Variants in AP1G2 observed in about 807,000 individuals in gnomAD.
AP1G2 encodes the protein adaptor related protein complex 1 subunit gamma 2, also known as AP-1 complex subunit gamma-like 2.
Under a neutral mutation model 95.8 loss-of-function variants are expected in AP1G2, and 85 were observed. The ratio of observed to expected loss-of-function variants is 0.89; its 90% CI spans 0.74 to 1.06. The LOEUF is 1.06. AP1G2 is among the 50% of genes least tolerant of loss of function. The pLI, the probability that AP1G2 is intolerant of heterozygous loss-of-function variation, is 0.00. For synonymous variants in AP1G2, 378 were observed against 400.0 expected, an observed-to-expected ratio of 0.94 and a Z score of 0.66; for missense variants, 967 against 1,005.8, an observed-to-expected ratio of 0.96 and a Z score of 0.52.
chr14:23,564,553 G>C lies in AP1G2; in HGVS notation c.921+9C>G, dbSNP rs1299973682. 1 of 1,612,898 alleles carries C rather than the reference G, an allele frequency of 6.2e-7. No homozygotes were observed. The highest frequency in any genetic ancestry group is 1.1e-5 in the South Asian group (1 of 91,022). On this transcript the variant is annotated intron_variant, in intron 9 of 21. Coordinates refer to ENST00000397120, the MANE Select transcript of AP1G2 (RefSeq NM_003917.5). ...GGGGCCGTAGTGGGAGAGGCATAAG[G>C]GGTGATACCCGTAGGCCAGCTGCAG... is the stretch of plus-strand genomic sequence containing the variant.
intron 5 of AP1G2, 50 bp downstream of exon 5, chr14:23,566,014 T>C: frequency 6.2e-7 from 1 of 1,613,900 alleles, no homozygotes; most frequent in Non-Finnish European, 8.5e-7. Context: ...GATTTTCAAT[T>C]CTTCTGTCCA....
chr14:23,564,140 G>A lies in AP1G2; in HGVS notation c.997C>T (p.Leu333=). 6.2e-7 allele frequency: 1 copy of A among 1,614,140 alleles called. No individual in the cohort carries two copies. The highest frequency in any genetic ancestry group is 1.1e-5 in the South Asian group (1 of 91,064). The change falls in exon 11 of 22, where the codon CTG becomes TTG. Residue 333 remains leucine, a synonymous_variant. Transcript: ENST00000397120. ...TGATCAGACTGCACCAGTCGAAGCA[G>A]TGATGTCAGGGCTACATACCTGGTC... is the stretch of plus-strand genomic sequence containing the variant. ...RNIRYVALTS[L]LRLVQSDHSA...
intron 16 of AP1G2, 96 bp from the exon 17 acceptor site, chr14:23,562,162 G>A: frequency 6.3e-7 from 1 of 1,590,802 alleles, no homozygotes; most frequent in Non-Finnish European, 8.6e-7. Flanking sequence ...ACCCAGATTT[G>A]GCTCAAAAAC....
chr14:23,561,750 C>G (rs1335426929), intron 17 of AP1G2, 115 bp from the exon 18 acceptor site: 1 of 1,492,312 alleles, frequency 6.7e-7, no homozygotes, highest in African/African-American at 1.4e-5. Flanking sequence ...TCAGAAGTAC[C>G]CTTCTGATTT....
chr14:23,562,766 G>GA, intron 14 of AP1G2, 173 bp from the exon 15 acceptor site: 1 of 636,458 alleles, frequency 1.6e-6, no homozygotes, highest in Non-Finnish European at 2.6e-6. Context: ...AAGAGAGAGA[G>GA]AGAAAGAAAG....
In AP1G2 at chr14:23,567,689, G is replaced by GCAGCGGCAGCGGCAGCGGCAGCGA. The variant is rs1555362108; in HGVS notation, c.-6+49_-6+50insTCGCTGCCGCTGCCGCTGCCGCTG. On this transcript the variant is annotated intron_variant, in intron 1 of 21. Coordinates refer to ENST00000397120, the MANE Select transcript of AP1G2 (RefSeq NM_003917.5). This position sits in a 1 kb window ranked among gnomAD's most constrained non-coding sequence, Gnocchi z 5.3. ...CTTCCTCCCCCGATTTCCATCTCAG[G>GCAGCGGCAGCGGCAGCGGCAGCGA]CAGCGGCAGCGGCAGCGACAGCCTG... 14 of 1,031,596 alleles carry GCAGCGGCAGCGGCAGCGGCAGCGA rather than the reference G, an allele frequency of 1.4e-5. No homozygotes were observed. Among genetic ancestry groups the GCAGCGGCAGCGGCAGCGGCAGCGA allele is most frequent in the Non-Finnish European group, 1.5e-5 (13 of 859,224 alleles). 63.9% of individuals were successfully genotyped at this position (1,031,596 alleles called of 1,614,324 possible). A position where few individuals can be genotyped will look rare whatever the true frequency, so the allele number is the denominator to read the frequency against.
Position 23,567,370 on chromosome 14 carries a change from CT to C in AP1G2, c.-5-52del. On this transcript the variant is annotated intron_variant, in intron 1 of 21. Coordinates refer to ENST00000397120, the MANE Select transcript of AP1G2 (RefSeq NM_003917.5). The surrounding 1 kb of genome is among the most constrained non-coding windows in gnomAD (Gnocchi z 5.3). ...CACTCTCTGGTCGGGCGTGCCTGGGCTTTCGGCCCAGGCCCGTCCTGTGTCA... is the reference window on the plus strand; with the variant it reads ...CACTCTCTGGTCGGGCGTGCCTGGGCTTCGGCCCAGGCCCGTCCTGTGTCA... 4.5e-6 allele frequency: 7 copies of C among 1,548,170 alleles called. No individual in the cohort carries two copies. The highest frequency in any genetic ancestry group is 6.1e-6 in the Non-Finnish European group (7 of 1,150,880).
chr14:23,565,896 G>A lies in AP1G2; in HGVS notation c.569-4C>T. 3 of 1,592,726 alleles carry A rather than the reference G, an allele frequency of 1.9e-6. No homozygotes were observed. Among genetic ancestry groups the A allele is most frequent in the African/African-American group, 1.3e-5 (1 of 74,872 alleles). On this transcript the variant is annotated splice_polypyrimidine_tract_variant and splice_region_variant and intron_variant, in intron 5 of 21. Transcript: ENST00000397120. ...GTGATGGTGCCCAGCAGGATGCCTG[G>A]GGTCAGCGTCGGGGAAGTGAATGGT...
At position 23,567,250 on chromosome 14, in the gene AP1G2, G is replaced by A. The variant is rs1888497283; in HGVS notation, c.65C>T (p.Ala22Val). Residue 22 changes from alanine (A) to valine (V), a missense_variant, in exon 2 of 22, where the codon GCC (alanine) becomes GTC (valine). Physicochemically the swap from Ala to Val is moderately conservative, Grantham distance 64 (BLOSUM62 0). Coordinates refer to ENST00000397120, the MANE Select transcript of AP1G2 (RefSeq NM_003917.5). This position sits in a 1 kb window ranked among gnomAD's most constrained non-coding sequence, Gnocchi z 5.3. ...CTTTTGGATCACCTCCCGCTCCTGG[G>A]CCTGAGTCTTGGCCCCGCGAATCTC... ...IEEIRGAKTQ[A>V]QEREVIQKEC... 6.2e-7 allele frequency: 1 copy of A among 1,613,024 alleles called. No homozygotes were observed. The highest frequency in any genetic ancestry group is 8.5e-7 in the Non-Finnish European group (1 of 1,179,526).
At position 23,563,951 on chromosome 14, in the gene AP1G2, C is replaced by A. The variant is rs535454571; in HGVS notation, c.1091+95G>T. 82 of 1,601,386 alleles carry A rather than the reference C, an allele frequency of 5.1e-5. No individual in the cohort carries two copies. The African/African-American group carries it at 1.1e-3, about 21-fold the overall frequency. Reference sequence around the variant, plus strand: ...TCCCCAGGGACCTGTCCCCCTTAGTCCCCTTACTCCAGCTGCTCTAAACTG... The same window carrying A: ...TCCCCAGGGACCTGTCCCCCTTAGTACCCTTACTCCAGCTGCTCTAAACTG... On this transcript the variant is annotated intron_variant, in intron 11 of 21. Coordinates refer to ENST00000397120, the MANE Select transcript of AP1G2 (RefSeq NM_003917.5).
intron 14 of AP1G2, 84 bp downstream of exon 14, chr14:23,563,296 T>C (rs1301818971): frequency 2.6e-6 from 4 of 1,532,710 alleles, no homozygotes; most frequent in African/African-American, 1.4e-5. Context: ...GAGAGAAAAA[T>C]TGGAATCTAG....
In AP1G2 at chr14:23,560,364, G is replaced by A; in HGVS notation, c.2048C>T (p.Ser683Phe). Reference protein sequence around the residue: ...FEREGVQLNLSFIRPPENPAL... With the variant: ...FEREGVQLNLFFIRPPENPAL... ...AGGGTTTTCAGGGGGTCGAATGAAA[G>A]ACAGATTCAGCTGTACTCCCTCACG... Residue 683 changes from serine to phenylalanine, a missense_variant, in exon 20 of 22, where the codon TCT (serine) becomes TTT (phenylalanine). Transcript: ENST00000397120. The A allele has an allele frequency of 6.2e-6, 10 of 1,614,054 alleles. No homozygotes were observed. The highest frequency in any genetic ancestry group is 8.5e-6 in the Non-Finnish European group (10 of 1,179,976).
Position 23,560,523 on chromosome 14 carries a change from C to T in AP1G2, c.1994-105G>A, listed in dbSNP as rs946363156. The T allele has an allele frequency of 2.2e-5, 26 of 1,191,744 alleles. No individual in the cohort carries two copies. In the African/African-American group the frequency reaches 3.1e-4, roughly 14 times the overall value. The allele number at this position is 1,191,744 out of a possible 1,614,324, so 73.8% of individuals were successfully genotyped here. A position where few individuals can be genotyped will look rare whatever the true frequency, so the allele number is the denominator to read the frequency against. ...AAACACCTACTGGCCCTGCACTACT[C>T]GAAAGGCTAGTAACAAAGTAGACAT... On this transcript the variant is annotated intron_variant, in intron 19 of 21. Coordinates refer to ENST00000397120, the MANE Select transcript of AP1G2 (RefSeq NM_003917.5).
Position 23,564,551 on chromosome 14 carries a change from AG to A in AP1G2, c.921+10del. ...GCGGGGCCGTAGTGGGAGAGGCATA[AG>A]GGGTGATACCCGTAGGCCAGCTGCA... On this transcript the variant is annotated intron_variant, in intron 9 of 21. Coordinates refer to ENST00000397120, the MANE Select transcript of AP1G2 (RefSeq NM_003917.5). The A allele has an allele frequency of 6.2e-7, 1 of 1,612,614 alleles. No homozygotes were observed. Among genetic ancestry groups the A allele is most frequent in the South Asian group, 1.1e-5 (1 of 91,036 alleles).
At position 23,567,225 on chromosome 14, in the gene AP1G2, C is replaced by A. The variant is rs201269576; in HGVS notation, c.90G>T (p.Lys30Asn). 3 of 1,613,038 alleles carry A rather than the reference C, an allele frequency of 1.9e-6. No homozygotes were observed. Among genetic ancestry groups the A allele is most frequent in the Non-Finnish European group, 2.5e-6 (3 of 1,179,476 alleles). Reference protein sequence around the residue: ...TQAQEREVIQKECAHIRASFR... With the variant: ...TQAQEREVIQNECAHIRASFR... ...AGGAGGCCCGGATGTGGGCACACTC[C>A]TTTTGGATCACCTCCCGCTCCTGGG... is the stretch of plus-strand genomic sequence containing the variant. Residue 30 changes from lysine to asparagine, a missense_variant, in exon 2 of 22, where the codon AAG becomes AAT. Transcript: ENST00000397120. This position sits in a 1 kb window ranked among gnomAD's most constrained non-coding sequence, Gnocchi z 5.3.
At chr14:23,564,794 C>T in intron 8 of AP1G2, 134 bp from the exon 9 acceptor site, 1 of 819,212 alleles carries the variant, frequency 1.2e-6, no homozygotes, top group Non-Finnish European at 2.0e-6. Context: ...CCTCCTGCCT[C>T]AGCCTCCTGA....
Position 23,561,368 on chromosome 14 carries a change from G to A in AP1G2, c.1921C>T (p.Pro641Ser). The A allele has an allele frequency of 6.3e-7, 1 of 1,598,182 alleles. No individual in the cohort carries two copies. The highest frequency in any genetic ancestry group is 8.5e-7 in the Non-Finnish European group (1 of 1,170,826). The change falls in exon 19 of 22, where the codon CCC becomes TCC. Residue 641 changes from proline (P) to serine (S), a missense_variant. By Grantham distance (74) the Pro-to-Ser change is moderately conservative (BLOSUM62 -1). Coordinates refer to ENST00000397120, the MANE Select transcript of AP1G2 (RefSeq NM_003917.5). Reference protein sequence around the residue: ...DGASGDVQHPPHLDPSPGGAL... With the variant: ...DGASGDVQHPSHLDPSPGGAL... ...CCTCCTGGGGAGGGGTCCAGATGGGGAGGATGCTGGACATCCCCAGAAGCC... is the reference window on the plus strand; with the variant it reads ...CCTCCTGGGGAGGGGTCCAGATGGGAAGGATGCTGGACATCCCCAGAAGCC...
chr14:23,565,278 T>G, intron 7 of AP1G2, 79 bp from the exon 8 acceptor site: 1 of 1,436,496 alleles, frequency 7.0e-7, no homozygotes, highest in Non-Finnish European at 9.6e-7. Context: ...AACTCCAACA[T>G]GTGAGGGTCT....
chr14:23,563,096 T>G, intron 14 of AP1G2: 1 of 1,337,686 alleles, frequency 7.5e-7, no homozygotes. Context: ...TAATAAAACC[T>G]CATAAACACA....
Sources: gnomAD v4.1 joint callset for allele counts on GRCh38, gnomAD v4.1.1 for gene constraint, Gnocchi (gnomAD v3.1) non-coding constraint, MANE v1.5 for transcripts, NCBI Gene and HGNC (gene_info 2026-07-23, HGNC 2026-07-21) for gene names.